The following LPIN1 variants were observed in gnomAD, a reference collection of about 807,000 sequenced individuals.
LPIN1 encodes the protein phosphatidate phosphatase LPIN1.
A neutral mutation model predicts 107.5 loss-of-function variants in LPIN1; 71 were observed. The observed-to-expected ratio is 0.66, with a 90% CI of 0.55 to 0.80. LPIN1 has a LOEUF of 0.80. Ranked by LOEUF, LPIN1 falls within the 30% of genes least tolerant of loss-of-function variation. The pLI, the probability that LPIN1 is intolerant of heterozygous loss-of-function variation, is 0.00. For missense variants in LPIN1, 1,043 were observed against 1,160.6 expected (o/e 0.90, Z 1.47); for synonymous variants, 445 against 452.6 (o/e 0.98, Z 0.21).
intron 1 of LPIN1, among the ~76,000 whole-genome samples, chr2:11,692,571 T>C (rs1240535163): frequency 6.6e-6 from 1 of 152,246 alleles, no homozygotes; most frequent in Non-Finnish European, 1.5e-5. Context: ...GTTTCTAAAG[T>C]GCTTAGCAAA....
chr2:11,795,544 G>A, intron 14 of LPIN1, 57 bp downstream of exon 14: 1 of 1,452,010 alleles, frequency 6.9e-7, no homozygotes, highest in Non-Finnish European at 9.7e-7. Flanking sequence ...CAAGTTCATG[G>A]CGTGTGCTGC....
upstream of LPIN1, chr2:11,677,558 C>T (rs1475792516): frequency 1.0e-6 from 1 of 977,576 alleles, no homozygotes; most frequent in Non-Finnish European, 1.6e-6. Flanking sequence ...TCACCCAGCC[C>T]AGCCTCCCAG....
intron 1 of LPIN1, among the ~76,000 whole-genome samples, chr2:11,756,712 C>A (rs138161126): frequency 9.9e-5 from 15 of 152,068 alleles, no homozygotes; most frequent in Non-Finnish European, 2.1e-4. Context: ...TTTTAATAAT[C>A]GATGCTGTTC....
At chr2:11,678,765 C>A (rs1302781029) in intron 1 of LPIN1, among the ~76,000 whole-genome samples, 1 of 152,192 alleles carries the variant, frequency 6.6e-6, no homozygotes, top group African/African-American at 2.4e-5. Flanking sequence ...CCTGCTCCCA[C>A]CTCTGCACTG....
Position 11,820,502 on chromosome 2 carries a change from C to G in LPIN1, c.2609C>G (p.Thr870Ser), listed in dbSNP as rs758717162. Residue 870 changes from threonine to serine, a missense_variant, in exon 20 of 21, where the codon ACC (threonine) becomes AGC (serine). Thr to Ser is a moderately conservative substitution (Grantham distance 58). Transcript: ENST00000674199. ...KGELVQEHAK[T>S]NISSYVRLCE... ...GAGCTGGTACAGGAACATGCAAAGA[C>G]CAACATCTCTTCGTGAGTATTGTAC... is the stretch of plus-strand genomic sequence containing the variant. 7.5e-6 allele frequency: 12 copies of G among 1,608,886 alleles called. No homozygotes were observed. Among genetic ancestry groups the G allele is most frequent in the Non-Finnish European group, 1.7e-6 (2 of 1,175,366 alleles).
At chr2:11,710,311 A>T (rs1663344070) in intron 1 of LPIN1, among the ~76,000 whole-genome samples, 1 of 152,174 alleles carries the variant, frequency 6.6e-6, no homozygotes, top group Non-Finnish European at 1.5e-5. Context: ...ATAGCGTCAC[A>T]TAAGTCTATG....
chr2:11,744,065 C>A (rs1298270462), upstream of LPIN1, among the ~76,000 whole-genome samples: 1 of 152,254 alleles, frequency 6.6e-6, no homozygotes, highest in Non-Finnish European at 1.5e-5. Flanking sequence ...TGTGCACCTG[C>A]AGCCCATTTC....
intron 1 of LPIN1, chr2:11,713,684 T>C (rs1663548989): frequency 2.2e-6 from 2 of 897,118 alleles, no homozygotes; most frequent in Admixed American, 2.2e-5. Flanking sequence ...ATTGGCAAAG[T>C]TATGCAACCA....
chr2:11,709,584 T>C (rs1251160449), intron 1 of LPIN1, among the ~76,000 whole-genome samples: 1 of 152,266 alleles, frequency 6.6e-6, no homozygotes, highest in Non-Finnish European at 1.5e-5. Context: ...TCCCGAGTTA[T>C]ATGCTGCCAT....
chr2:11,728,456 C>A (rs982175460), intron 1 of LPIN1, among the ~76,000 whole-genome samples: 1 of 152,144 alleles, frequency 6.6e-6, no homozygotes, highest in Non-Finnish European at 1.5e-5. Context: ...GATCTTGACC[C>A]ACTGTAACCT....
At chr2:11,688,930 T>G (rs1306835041) in intron 1 of LPIN1, among the ~76,000 whole-genome samples, 1 of 152,194 alleles carries the variant, frequency 6.6e-6, no homozygotes, top group Non-Finnish European at 1.5e-5. Flanking sequence ...AGTTCTAGTT[T>G]CTACCCAATT....
intron 1 of LPIN1, among the ~76,000 whole-genome samples, chr2:11,733,499 C>CTTT (rs111274553): frequency 1.1e-3 from 153 of 143,384 alleles, no homozygotes; most frequent in African/African-American, 4.0e-3. Context: ...CTCTCTCTCT[C>CTTT]TTTTTTTTTT....
intron 1 of LPIN1, among the ~76,000 whole-genome samples, chr2:11,758,116 G>A (rs1015257013): frequency 6.6e-6 from 1 of 152,120 alleles, no homozygotes; most frequent in African/African-American, 2.4e-5. Flanking sequence ...TCTTTTTAAG[G>A]CTCAGTAATA....
rs1276851405 is a variant in LPIN1, at chr2:11,783,470, C to G, written c.1265-359C>G. Among the ~76,000 whole-genome samples, 5 of 152,286 alleles carry G rather than the reference C, an allele frequency of 3.3e-5. No individual in the cohort carries two copies. In the East Asian group the frequency reaches 9.7e-4, roughly 29 times the overall value. On this transcript the variant is annotated intron_variant, in intron 8 of 20. Transcript: ENST00000674199. ...CTTGGTGGTCTACGGTCACGTTGTA[C>G]TGCCCACCATTTTCCAATGGGAAAA... is the stretch of plus-strand genomic sequence containing the variant.
intron 1 of LPIN1, among the ~76,000 whole-genome samples, chr2:11,701,682 C>T (rs897797947): frequency 6.6e-6 from 1 of 152,196 alleles, no homozygotes; most frequent in Admixed American, 6.5e-5. Flanking sequence ...TCATCATCTC[C>T]ATTCATGAAA....
intron 3 of LPIN1, among the ~76,000 whole-genome samples, chr2:11,769,143 C>T (rs1671456301): frequency 6.6e-6 from 1 of 152,212 alleles, no homozygotes; most frequent in Non-Finnish European, 1.5e-5. Context: ...GAGGAACTGC[C>T]AGACTGTGTT....
In LPIN1 at chr2:11,774,237, G is replaced by T. The variant is rs1672316823; in HGVS notation, c.722+492G>T. Among the ~76,000 whole-genome samples the T allele has an allele frequency of 6.6e-6, 1 of 152,214 alleles. No homozygotes were observed. The highest frequency in any genetic ancestry group is 1.5e-5 in the Non-Finnish European group (1 of 68,042). On this transcript the variant is annotated intron_variant, in intron 5 of 20. Coordinates refer to ENST00000674199, the MANE Select transcript of LPIN1 (RefSeq NM_001349206.2). This position sits in a 1 kb window ranked among gnomAD's most constrained non-coding sequence, Gnocchi z 4.4. ...GAGGAAAACTTGGAGAACTAGAGCT[G>T]CTCACTGTGCAGATGCCATCCTGAT...
At chr2:11,762,217 T>C (rs574639834) in intron 1 of LPIN1, among the ~76,000 whole-genome samples, 102 of 152,122 alleles carry the variant, frequency 6.7e-4, no homozygotes, top group African/African-American at 2.3e-3. Context: ...GATGGAAGGG[T>C]GCACAGGGCA....
chr2:11,819,412 T>C, intron 18 of LPIN1, 72 bp from the exon 19 acceptor site: 1 of 994,016 alleles, frequency 1.0e-6, no homozygotes, highest in South Asian at 1.3e-5. Context: ...GGCAGCTTTG[T>C]CAGCTAAAAA....
Sources: allele counts gnomAD v4.1 joint callset (sites outside exome capture counted in the v4.1 genomes callset), GRCh38; gene constraint gnomAD v4.1.1; non-coding constraint Gnocchi (gnomAD v3.1); transcripts MANE v1.5; gene names NCBI Gene and HGNC (gene_info 2026-07-23, HGNC 2026-07-21).